MRC1: variants seen among roughly 807,000 people sequenced by gnomAD.
MRC1 encodes mannose receptor C-type 1, also known as macrophage mannose receptor 1.
In MRC1, 62 loss-of-function variants were observed where a neutral mutation model predicts 102.9. The ratio of observed to expected loss-of-function variants is 0.60; its 90% CI spans 0.49 to 0.74. The LOEUF is 0.74. MRC1 is among the 30% of genes least tolerant of loss of function. The pLI is 0.00. For synonymous variants in MRC1, 457 were observed against 298.4 expected (o/e 1.53, Z -5.48); for missense variants, 1,237 against 862.8 (o/e 1.43, Z -5.43).
chr10:17,898,296 C>T, intron 24 of MRC1, 30 bp downstream of exon 24: 1 of 780,736 alleles, frequency 1.3e-6, no homozygotes, highest in Non-Finnish European at 2.4e-6. Flanking sequence ...TGCAACTTGA[C>T]ATGATCAGTG....
chr10:17,838,432 C>T (rs1410500619), intron 4 of MRC1, among the ~76,000 whole-genome samples: 4 of 151,886 alleles, frequency 2.6e-5, no homozygotes, highest in Non-Finnish European at 4.4e-5. Context: ...TTTGTGGCTC[C>T]GTATGTGCAG....
chr10:17,906,416 C>G (rs1318894560), intron 26 of MRC1, among the ~76,000 whole-genome samples: 3 of 151,806 alleles, frequency 2.0e-5, no homozygotes, highest in Non-Finnish European at 2.9e-5. Flanking sequence ...CTCTTATTAC[C>G]TCTTTTTCCT....
intron 21 of MRC1, among the ~76,000 whole-genome samples, chr10:17,882,438 T>A (rs1926733): frequency 0.15 from 23,459 of 151,928 alleles, 2,403 homozygotes; most frequent in Non-Finnish European, 0.23. Context: ...CAACAGTTGT[T>A]TGTTGTATAT....
At chr10:17,854,547 C>G (rs1392649292) in intron 8 of MRC1, among the ~76,000 whole-genome samples, 1 of 151,912 alleles carries the variant, frequency 6.6e-6, no homozygotes, top group East Asian at 1.9e-4. Flanking sequence ...GTTCAAGAAA[C>G]ATGAGTTGTC....
chr10:17,852,907 AC>A (rs1838938220), intron 7 of MRC1, 59 bp from the exon 8 acceptor site: 52 of 780,188 alleles, frequency 6.7e-5, no homozygotes, highest in South Asian at 5.1e-4. Flanking sequence ...CGTTCCTTTT[AC>A]CCCCCGACCT....
intron 12 of MRC1, among the ~76,000 whole-genome samples, chr10:17,867,546 C>A (rs1833294126): frequency 6.6e-6 from 1 of 151,976 alleles, no homozygotes; most frequent in African/African-American, 2.4e-5. Flanking sequence ...CCTAAGCCTC[C>A]CAAGTAGCTA....
At chr10:17,894,388 TTC>T (rs1833723954) in intron 23 of MRC1, 76 bp downstream of exon 23, 2 of 710,426 alleles carry the variant, frequency 2.8e-6, no homozygotes, top group African/African-American at 4.3e-5. Context: ...CTTTCTTTCT[TTC>T]TTTCTTTTTT....
intron 12 of MRC1, among the ~76,000 whole-genome samples, chr10:17,867,111 C>T (rs372194123): frequency 0.17 from 24,246 of 142,344 alleles, 2,448 homozygotes; most frequent in East Asian, 0.28. Flanking sequence ...CTTCCTTACC[C>T]CCTTACCCTC....
chr10:17,833,733 A>G lies in MRC1; in HGVS notation c.696A>G (p.Ile232Met). The change falls in exon 4 of 30, where the codon ATA becomes ATG. Residue 232 changes from isoleucine to methionine, a missense_variant. Transcript: ENST00000569591. ...CGCTGACCAGCGTTTCCTACCAGATAAACTCCAAATCCGCTTTAACGTGGC... is the reference window on the plus strand; with the variant it reads ...CGCTGACCAGCGTTTCCTACCAGATGAACTCCAAATCCGCTTTAACGTGGC... ...KDPLTSVSYQINSKSALTWHQ... is the reference protein window; with the variant it reads ...KDPLTSVSYQMNSKSALTWHQ... 5.1e-6 allele frequency: 4 copies of G among 781,094 alleles called. 1 individual carries two copies. The South Asian group carries it at 5.4e-5, about 10-fold the overall frequency. 48.4% of individuals were successfully genotyped at this position (781,094 alleles called of 1,614,324 possible).
chr10:17,821,414 TACTGCAGTGG>T (rs1459095254), intron 1 of MRC1, among the ~76,000 whole-genome samples: 2 of 152,174 alleles, frequency 1.3e-5, no homozygotes, highest in African/African-American at 2.4e-5. Flanking sequence ...CCCAAAAATA[TACTGCAGTGG>T]TTAATTTTAT....
At chr10:17,816,691 A>G (rs1490861255) in intron 1 of MRC1, among the ~76,000 whole-genome samples, 1 of 152,232 alleles carries the variant, frequency 6.6e-6, no homozygotes, top group African/African-American at 2.4e-5. Flanking sequence ...GAGAAATAGT[A>G]TAAATCTGGA....
At chr10:17,833,928 A>C (rs1838621927) in intron 4 of MRC1, 89 bp downstream of exon 4, 13 of 724,000 alleles carry the variant, frequency 1.8e-5, no homozygotes, top group Non-Finnish European at 7.7e-6. Flanking sequence ...GTGTTTATAG[A>C]TGTTATGACA....
chr10:17,863,243 T>C (rs1030688990), intron 10 of MRC1, among the ~76,000 whole-genome samples: 10 of 152,184 alleles, frequency 6.6e-5, no homozygotes, highest in Non-Finnish European at 1.0e-4. Flanking sequence ...CAAAATTCTC[T>C]GACATTTTGA....
rs1427445883 is a variant in MRC1 at position 17,898,046 on chromosome 10, C to T, written c.3263C>T (p.Thr1088Ile). 2 of 780,708 alleles carry T rather than the reference C, an allele frequency of 2.6e-6. No individual in the cohort carries two copies. Among genetic ancestry groups the T allele is most frequent in the Admixed American group, 1.7e-5 (1 of 59,010 alleles). 48.4% of individuals were successfully genotyped at this position (780,708 alleles called of 1,614,324 possible). A position where few individuals can be genotyped will look rare whatever the true frequency, so the allele number is the denominator to read the frequency against. ...TGTTTTTATCTAGACCCTTCCTTGA[C>T]TAATCCTCCAGCAACGATTCAAACA... ...ICQTRSDPSL[T>I]NPPATIQTDG... The change falls in exon 24 of 30, where the codon ACT becomes ATT. Residue 1088 changes from threonine (T) to isoleucine (I), a missense_variant. Transcript: ENST00000569591.
At chr10:17,814,677 C>CTTTT (rs1179816829) in intron 1 of MRC1, among the ~76,000 whole-genome samples, 2 of 85,124 alleles carry the variant, frequency 2.3e-5, no homozygotes, top group African/African-American at 4.7e-5. Context: ...TTCCGTCCCT[C>CTTTT]TTTTTTTTTT....
chr10:17,907,256 G>A (rs1178813804), intron 27 of MRC1, among the ~76,000 whole-genome samples: 6 of 152,034 alleles, frequency 3.9e-5, no homozygotes, highest in East Asian at 1.9e-4. Context: ...CTATGTTTTC[G>A]TGGGGCCAGG....
intron 21 of MRC1, among the ~76,000 whole-genome samples, chr10:17,884,144 T>G (rs1833557586): frequency 6.6e-6 from 1 of 152,156 alleles, no homozygotes; most frequent in Non-Finnish European, 1.5e-5. Context: ...ATTTTTGTAT[T>G]TCTTTGTAGA....
chr10:17,833,357 CA>C (rs1186977662), intron 3 of MRC1, among the ~76,000 whole-genome samples: 1 of 151,616 alleles, frequency 6.6e-6, no homozygotes, highest in Non-Finnish European at 1.5e-5. Flanking sequence ...TACATTTCTG[CA>C]AAAAGTTAAA....
chr10:17,812,705 G>A (rs1344124990), intron 1 of MRC1, among the ~76,000 whole-genome samples: 1 of 151,612 alleles, frequency 6.6e-6, no homozygotes, highest in Non-Finnish European at 1.5e-5. Flanking sequence ...CCGAGTAGCT[G>A]GGATTACAGG....
Sources: gnomAD v4.1 joint callset for allele counts (sites outside exome capture counted in the v4.1 genomes callset) on GRCh38, gnomAD v4.1.1 for gene constraint, MANE v1.5 for transcripts, NCBI Gene and HGNC (gene_info 2026-07-23, HGNC 2026-07-21) for gene names.